Variants in CTNNA3 observed in about 807,000 individuals in gnomAD.
CTNNA3 encodes catenin alpha-3.
A neutral mutation model predicts 95.7 loss-of-function variants in CTNNA3; 76 were observed. The observed-to-expected ratio is 0.79, with a 90% CI of 0.66 to 0.96. CTNNA3 has a LOEUF of 0.96. Among genes scored for constraint, CTNNA3 ranks in the 40% least tolerant of loss-of-function variants. The probability of loss-of-function intolerance (pLI) is 0.00; values close to 1 mark genes in which losing one functional copy is unlikely to be tolerated. For missense variants in CTNNA3, 1,191 were observed against 1,089.8 expected (o/e 1.09, Z -1.31); for synonymous variants, 431 against 374.4 (o/e 1.15, Z -1.74).
At chr10:67,640,463 C>G (rs986256782) in intron 2 of CTNNA3, among the ~76,000 whole-genome samples, 1 of 152,210 alleles carries the variant, frequency 6.6e-6, no homozygotes, top group African/African-American at 2.4e-5. Context: ...CCATCCCCAT[C>G]AAGCTACCAA....
intron 15 of CTNNA3, among the ~76,000 whole-genome samples, chr10:66,047,110 T>C (rs940148854): frequency 1.3e-5 from 2 of 152,058 alleles, no homozygotes; most frequent in Admixed American, 6.6e-5. Context: ...GAGGAGGGAC[T>C]CTTCCCTAAC....
chr10:66,081,096 G>C (rs775505894), intron 14 of CTNNA3, among the ~76,000 whole-genome samples: 1 of 152,116 alleles, frequency 6.6e-6, no homozygotes. Context: ...GAAATTTAAG[G>C]CTTTCTTGGT....
At chr10:67,089,049 G>A (rs755317374) in intron 7 of CTNNA3, among the ~76,000 whole-genome samples, 1 of 151,910 alleles carries the variant, frequency 6.6e-6, no homozygotes, top group Non-Finnish European at 1.5e-5. Flanking sequence ...ATATATGGGA[G>A]GATGTGTGTG....
chr10:66,623,207 G>A (rs370709278), intron 9 of CTNNA3, among the ~76,000 whole-genome samples: 7 of 152,026 alleles, frequency 4.6e-5, no homozygotes, highest in African/African-American at 1.7e-4. Flanking sequence ...AATTCACACT[G>A]CATTTGCAAA....
chr10:67,307,463 A>ATTGT (rs928412913), intron 5 of CTNNA3, among the ~76,000 whole-genome samples: 6 of 152,106 alleles, frequency 3.9e-5, no homozygotes, highest in South Asian at 2.1e-4. Context: ...CTACTGATTA[A>ATTGT]TTGTTTGTTT....
intron 7 of CTNNA3, among the ~76,000 whole-genome samples, chr10:66,823,458 G>C (rs1164651313): frequency 6.6e-6 from 1 of 152,146 alleles, no homozygotes; most frequent in African/African-American, 2.4e-5. Context: ...TCTTCTACAA[G>C]GAGGATGAAT....
At chr10:66,656,296 T>TA (rs1039419939) in intron 9 of CTNNA3, among the ~76,000 whole-genome samples, 5 of 152,130 alleles carry the variant, frequency 3.3e-5, no homozygotes, top group African/African-American at 9.7e-5. Context: ...CTTCAATACT[T>TA]AAGTAGTTGC....
intron 11 of CTNNA3, among the ~76,000 whole-genome samples, chr10:66,502,226 A>G (rs2131967036): frequency 6.6e-6 from 1 of 152,276 alleles, no homozygotes; most frequent in African/African-American, 2.4e-5. Flanking sequence ...GTGAAAGAAT[A>G]TAGGATAATC....
intron 7 of CTNNA3, among the ~76,000 whole-genome samples, chr10:66,905,462 A>ATTCT (rs1845948094): frequency 6.6e-6 from 1 of 152,192 alleles, no homozygotes; most frequent in Non-Finnish European, 1.5e-5. Flanking sequence ...TGCCACATGT[A>ATTCT]TGCCAATGTA....
chr10:67,520,500 A>G, intron 5 of CTNNA3, among the ~76,000 whole-genome samples: 1 of 152,200 alleles, frequency 6.6e-6, no homozygotes, highest in Non-Finnish European at 1.5e-5. Context: ...CATAGGCCGG[A>G]GGAGTGACTC....
At chr10:67,617,030 G>A (rs1843679306) in intron 2 of CTNNA3, among the ~76,000 whole-genome samples, 1 of 152,102 alleles carries the variant, frequency 6.6e-6, no homozygotes, top group Admixed American at 6.6e-5. Context: ...ATTAATTCTA[G>A]GATATGTAGA....
chr10:66,868,750 CA>C (rs34594360), intron 7 of CTNNA3, among the ~76,000 whole-genome samples: 74,506 of 130,274 alleles, frequency 0.57, 23,170 homozygotes, highest in South Asian at 0.73. Context: ...GACTCCGTCT[CA>C]AAAAAAAAAA....
At chr10:67,293,988 C>T (rs540486958) in intron 5 of CTNNA3, among the ~76,000 whole-genome samples, 29 of 152,170 alleles carry the variant, frequency 1.9e-4, no homozygotes, top group African/African-American at 6.3e-4. Context: ...CGATAAATTA[C>T]ACATTTTAAG....
chr10:67,426,644 C>G (rs559165386), intron 5 of CTNNA3, among the ~76,000 whole-genome samples: 1 of 151,738 alleles, frequency 6.6e-6, no homozygotes, highest in Non-Finnish European at 1.5e-5. Flanking sequence ...TATCACACAC[C>G]GGGGCCTGTC....
Position 67,483,617 on chromosome 10 carries a change from G to A in CTNNA3, c.579+38225C>T, listed in dbSNP as rs561945195. Among the ~76,000 whole-genome samples, 495 of 151,500 alleles carry A rather than the reference G, an allele frequency of 3.3e-3. 5 individuals are homozygous for A. The highest frequency in any genetic ancestry group is 0.011 in the African/African-American group (465 of 41,232). On this transcript the variant is annotated intron_variant, in intron 5 of 17. Coordinates refer to ENST00000433211, the MANE Select transcript of CTNNA3 (RefSeq NM_013266.4). ...ACTCTGGGGACTGTTGTGGGGTGGC[G>A]GGAGGGGGGAGGAATAGCATTAGGA...
At chr10:66,624,062 G>A (rs944631961) in intron 9 of CTNNA3, among the ~76,000 whole-genome samples, 2 of 152,124 alleles carry the variant, frequency 1.3e-5, no homozygotes, top group Admixed American at 1.3e-4. Context: ...TATCCTTTGT[G>A]TATCTGCGCA....
chr10:67,002,938 C>G (rs558456103), intron 7 of CTNNA3, among the ~76,000 whole-genome samples: 2 of 152,084 alleles, frequency 1.3e-5, no homozygotes, highest in East Asian at 3.9e-4. Flanking sequence ...TTTTCATTAC[C>G]TAAAATATAC....
intron 13 of CTNNA3, among the ~76,000 whole-genome samples, chr10:66,146,472 G>A (rs1273217929): frequency 6.6e-6 from 1 of 152,186 alleles, no homozygotes; most frequent in African/African-American, 2.4e-5. Flanking sequence ...AAAGGAATAT[G>A]AGTTGGGGTC....
In CTNNA3 at chr10:66,979,956, G is replaced by A. The variant is rs537004799; in HGVS notation, c.1047+200361C>T. Among the ~76,000 whole-genome samples the A allele has an allele frequency of 2.0e-5, 3 of 152,242 alleles. No homozygotes were observed. In the South Asian group the frequency reaches 6.2e-4, roughly 32 times the overall value. ...CCTCAAGTACTGTTGGAACACCAGGGGGTTCCATCAAGTTTTTATTCTTTT... is the reference window on the plus strand; with the variant it reads ...CCTCAAGTACTGTTGGAACACCAGGAGGTTCCATCAAGTTTTTATTCTTTT... On this transcript the variant is annotated intron_variant, in intron 7 of 17. Coordinates refer to ENST00000433211, the MANE Select transcript of CTNNA3 (RefSeq NM_013266.4).
Sources: allele counts gnomAD v4.1 joint callset (sites outside exome capture counted in the v4.1 genomes callset), GRCh38; gene constraint gnomAD v4.1.1; transcripts MANE v1.5; gene names NCBI Gene and HGNC (gene_info 2026-07-23, HGNC 2026-07-21).